PPP2R1B: variants seen among roughly 807,000 people sequenced by gnomAD.
The protein encoded by PPP2R1B is serine/threonine-protein phosphatase 2A 65 kDa regulatory subunit A beta isoform.
In PPP2R1B, 58 loss-of-function variants were observed where a neutral mutation model predicts 72.7. That is an observed-to-expected ratio of 0.80 (90% CI 0.65 to 0.99). The LOEUF (loss-of-function observed/expected upper bound fraction) is 0.99. PPP2R1B is among the 50% of genes least tolerant of loss of function. PPP2R1B has a pLI of 0.00. For synonymous variants in PPP2R1B, 256 were observed against 264.6 expected (o/e 0.97, Z 0.32); for missense variants, 695 against 733.6 (o/e 0.95, Z 0.61).
the PPP2R1B span, chr11:111,721,815 C>A: frequency 6.3e-7 from 1 of 1,584,258 alleles, no homozygotes; most frequent in East Asian, 2.3e-5. Context: ...TTGTTTCCAC[C>A]CCCTTGCTCC....
At chr11:111,691,552 T>C in the PPP2R1B span, among the ~76,000 whole-genome samples, 1 of 152,214 alleles carries the variant, frequency 6.6e-6, no homozygotes, top group Non-Finnish European at 1.5e-5. Context: ...CATTTTGTCA[T>C]TTCCAAGCAT....
intron 13 of PPP2R1B, 94 bp from the exon 14 acceptor site, chr11:111,742,238 A>C: frequency 2.9e-6 from 3 of 1,017,654 alleles, no homozygotes; most frequent in Non-Finnish European, 4.3e-6. Flanking sequence ...TTAAAATTTA[A>C]AGTAAAAAAA....
At chr11:111,757,835 C>CAAAAAA (rs1334506925) in intron 5 of PPP2R1B, among the ~76,000 whole-genome samples, 1 of 103,056 alleles carries the variant, frequency 9.7e-6, no homozygotes, top group Admixed American at 1.1e-4. Flanking sequence ...AACTCCATCT[C>CAAAAAA]AAAAAAAAAA....
intron 11 of PPP2R1B, among the ~76,000 whole-genome samples, chr11:111,746,181 T>C (rs568570108): frequency 1.3e-5 from 2 of 151,720 alleles, no homozygotes; most frequent in African/African-American, 4.8e-5. Flanking sequence ...TAATCTAAAA[T>C]GCCAACTTTT....
At chr11:111,737,847 G>C, downstream of PPP2R1B, 3 of 1,259,872 alleles carry the variant, frequency 2.4e-6, no homozygotes, top group Non-Finnish European at 3.0e-6. Flanking sequence ...ATGGTCTCCA[G>C]AGCCCCAACC....
intron 11 of PPP2R1B, 33 bp from the exon 12 acceptor site, chr11:111,743,563 C>G (rs1388063887): frequency 1.9e-6 from 3 of 1,574,970 alleles, no homozygotes; most frequent in Admixed American, 4.0e-5. Flanking sequence ...GTTCTCATAT[C>G]GCTTATTGTT....
At position 111,760,841 on chromosome 11, in the gene PPP2R1B, C is replaced by A. The variant is rs114799718; in HGVS notation, c.517G>T (p.Ala173Ser). 1 of 1,614,126 alleles carries A rather than the reference C, an allele frequency of 6.2e-7. No homozygotes were observed. Among genetic ancestry groups the A allele is most frequent in the Non-Finnish European group, 8.5e-7 (1 of 1,179,986 alleles). ...TACTGTCTGATTTCTGCTTTAACAG[C>A]ATTTGATGCCCTGGGATAGCAAACG... is the stretch of plus-strand genomic sequence containing the variant. ...FSVCYPRASN[A>S]VKAEIRQQFR... is the part of the protein sequence containing the mutation. Residue 173 changes from alanine (A) to serine (S), a missense_variant, in exon 4 of 15, where the codon GCT (alanine) becomes TCT (serine). Ala to Ser is a moderately conservative substitution (Grantham distance 99). Transcript: ENST00000527614.
chr11:111,736,999 G>A (rs1053873378), downstream of PPP2R1B, among the ~76,000 whole-genome samples: 3 of 152,244 alleles, frequency 2.0e-5, no homozygotes, highest in Admixed American at 6.5e-5. Context: ...AATGGGGCTT[G>A]TAGAACATCT....
chr11:111,755,984 G>A (rs1017269596), intron 5 of PPP2R1B, among the ~76,000 whole-genome samples: 17 of 151,702 alleles, frequency 1.1e-4, no homozygotes, highest in African/African-American at 1.9e-4. Flanking sequence ...TGAGGCAGGC[G>A]GATCACGAGG....
At chr11:111,721,914 A>C (rs1943814111), downstream of PPP2R1B, 1 of 1,610,250 alleles carries the variant, frequency 6.2e-7, no homozygotes. Context: ...GAGCCTGGAG[A>C]CCCAGTACCT....
At chr11:111,751,208 T>C (rs1944895808) in intron 10 of PPP2R1B, among the ~76,000 whole-genome samples, 1 of 152,168 alleles carries the variant, frequency 6.6e-6, no homozygotes, top group African/African-American at 2.4e-5. Flanking sequence ...AAGTGGTACC[T>C]AGGGACATTT....
the PPP2R1B span, chr11:111,721,824 C>A: frequency 6.2e-7 from 1 of 1,602,392 alleles, no homozygotes; most frequent in Non-Finnish European, 8.5e-7. Flanking sequence ...CCCCCTTGCT[C>A]CTCAGGAAGA....
At chr11:111,700,816 A>G in the PPP2R1B span, 6 of 1,574,276 alleles carry the variant, frequency 3.8e-6, no homozygotes, top group South Asian at 5.8e-5. Flanking sequence ...ATATTAGAAA[A>G]TTTATTACAG....
intron 10 of PPP2R1B, 21 bp downstream of exon 10, chr11:111,752,138 C>T (rs1944929897): frequency 1.3e-6 from 2 of 1,583,580 alleles, no homozygotes; most frequent in African/African-American, 2.7e-5. Context: ...CCCTGCAGTT[C>T]ATGGAGCAAC....
chr11:111,698,230 T>G, the PPP2R1B span, among the ~76,000 whole-genome samples: 20 of 152,324 alleles, frequency 1.3e-4, no homozygotes, highest in East Asian at 3.7e-3. Context: ...TGTGCTAGAT[T>G]TGTAAAGCAG....
At chr11:111,709,086 A>C in the PPP2R1B span, among the ~76,000 whole-genome samples, 1 of 152,228 alleles carries the variant, frequency 6.6e-6, no homozygotes, top group South Asian at 2.1e-4. Flanking sequence ...TGGCTTAAAC[A>C]ACGGAAATTA....
the PPP2R1B span, among the ~76,000 whole-genome samples, chr11:111,714,692 G>A: frequency 8.5e-5 from 13 of 152,282 alleles, 4 homozygotes; most frequent in African/African-American, 2.6e-4. Flanking sequence ...TAAAGGCAGG[G>A]CAGATTCAAG....
the PPP2R1B span, chr11:111,701,552 G>A: frequency 6.2e-7 from 1 of 1,613,646 alleles, no homozygotes; most frequent in African/African-American, 1.3e-5. This position sits in a 1 kb window ranked among gnomAD's most constrained non-coding sequence, Gnocchi z 4.2. Flanking sequence ...GGAAGATTCC[G>A]GATTCCGTAT....
chr11:111,741,493 G>A lies in PPP2R1B; in HGVS notation c.*103C>T. The A allele has an allele frequency of 6.5e-7, 1 of 1,531,630 alleles. No individual in the cohort carries two copies. Among genetic ancestry groups the A allele is most frequent in the East Asian group, 2.3e-5 (1 of 43,020 alleles). 94.9% of individuals were successfully genotyped at this position (1,531,630 alleles called of 1,614,324 possible). A position where few individuals can be genotyped will look rare whatever the true frequency, so the allele number is the denominator to read the frequency against. On this transcript the variant is annotated 3_prime_UTR_variant, in exon 15 of 15. Coordinates refer to ENST00000527614, the MANE Select transcript of PPP2R1B (RefSeq NM_002716.5). ...CTAAGTTGTTGCCATTTGCTTGGAT[G>A]AGATCTTGAAGGTTTTCCATTCTTT...
Sources: allele counts gnomAD v4.1 joint callset (sites outside exome capture counted in the v4.1 genomes callset), GRCh38; gene constraint gnomAD v4.1.1; non-coding constraint Gnocchi (gnomAD v3.1); transcripts MANE v1.5; gene names NCBI Gene and HGNC (gene_info 2026-07-23, HGNC 2026-07-21).